DMXL2: variants seen among roughly 807,000 people sequenced by gnomAD.
DMXL2 encodes the protein dmX-like protein 2.
In DMXL2, 103 loss-of-function variants were observed where a neutral mutation model predicts 331.1. The ratio of observed to expected loss-of-function variants is 0.31; its 90% confidence interval spans 0.27 to 0.37. The LOEUF (loss-of-function observed/expected upper bound fraction) is 0.37. Among genes scored for constraint, DMXL2 ranks in the 10% least tolerant of loss-of-function variants. DMXL2 has a pLI of 1.00. For synonymous variants in DMXL2, 1,281 were observed against 1,252.1 expected (o/e 1.02, Z -0.49); for missense variants, 3,171 against 3,642.9 (o/e 0.87, Z 3.33).
At chr15:51,455,453 C>T (rs765822430) in intron 39 of DMXL2, among the ~76,000 whole-genome samples, 7 of 152,104 alleles carry the variant, frequency 4.6e-5, no homozygotes, top group Non-Finnish European at 7.4e-5. Flanking sequence ...GGCTGGAGTG[C>T]AGTAGTGCAA....
intron 33 of DMXL2, chr15:51,460,575 TAA>T: frequency 6.3e-6 from 1 of 159,526 alleles, no homozygotes; most frequent in East Asian, 1.9e-4. Flanking sequence ...TATAAATATA[TAA>T]CTTCAGCATT....
Position 51,507,145 on chromosome 15 carries a change from T to C in DMXL2, c.2753A>G (p.Gln918Arg). 6.2e-7 allele frequency: 1 copy of C among 1,604,632 alleles called. No homozygotes were observed. Among genetic ancestry groups the C allele is most frequent in the Non-Finnish European group, 8.5e-7 (1 of 1,174,458 alleles). Reference sequence around the variant, plus strand: ...CTATAATTACTTACCTAAACATGCTTGTACAGATTTAAGATGAAGGTGCCA... The same window carrying C: ...CTATAATTACTTACCTAAACATGCTCGTACAGATTTAAGATGAAGGTGCCA... ...HMWHLHLKSV[Q>R]ACLAKASEGA... Residue 918 changes from glutamine to arginine, a missense_variant, in exon 16 of 44, where the codon CAA becomes CGA. Physicochemically the swap from Gln to Arg is conservative, Grantham distance 43 (BLOSUM62 1). Transcript: ENST00000560891.
At chr15:51,513,784 G>T (rs1448822938) in intron 15 of DMXL2, among the ~76,000 whole-genome samples, 1 of 152,034 alleles carries the variant, frequency 6.6e-6, no homozygotes, top group African/African-American at 2.4e-5. Context: ...GAACATGTTG[G>T]TTTTATAATT....
intron 13 of DMXL2, 151 bp downstream of exon 13, chr15:51,535,512 G>A: frequency 3.4e-6 from 2 of 587,436 alleles, no homozygotes; most frequent in Non-Finnish European, 5.3e-6. Context: ...CACAGCTTAG[G>A]AAAAAATAAA....
At chr15:51,515,686 T>A (rs2046996093) in intron 14 of DMXL2, among the ~76,000 whole-genome samples, 1 of 152,126 alleles carries the variant, frequency 6.6e-6, no homozygotes, top group South Asian at 2.1e-4. Context: ...CCAGCCCCTG[T>A]GTTAAAAATA....
intron 18 of DMXL2, among the ~76,000 whole-genome samples, chr15:51,498,252 A>G (rs1423897010): frequency 6.6e-6 from 1 of 152,076 alleles, no homozygotes; most frequent in Non-Finnish European, 1.5e-5. Context: ...AAAAACAAAC[A>G]AAAAACCCAC....
chr15:51,486,030 T>A (rs2042371009), intron 23 of DMXL2, 43 bp downstream of exon 23: 2 of 1,521,900 alleles, frequency 1.3e-6, no homozygotes, highest in Non-Finnish European at 1.8e-6. Context: ...AAAGTATCTC[T>A]TCCTTTAAAA....
intron 8 of DMXL2, 31 bp from the exon 9 acceptor site, chr15:51,542,538 C>T: frequency 1.3e-6 from 2 of 1,537,678 alleles, no homozygotes; most frequent in Non-Finnish European, 1.8e-6. Flanking sequence ...CTGAGTCCAA[C>T]TCTGGAACCT....
intron 9 of DMXL2, 103 bp from the exon 10 acceptor site, chr15:51,538,555 G>T: frequency 1.2e-6 from 1 of 868,340 alleles, no homozygotes; most frequent in Non-Finnish European, 1.7e-6. Context: ...TGCTAAACAA[G>T]TCAACATAAT....
intron 1 of DMXL2, among the ~76,000 whole-genome samples, chr15:51,588,998 C>T (rs1450278108): frequency 6.6e-6 from 1 of 152,134 alleles, no homozygotes; most frequent in African/African-American, 2.4e-5. Flanking sequence ...GGTAAGCAGG[C>T]ACAGTATGTT....
intron 1 of DMXL2, among the ~76,000 whole-genome samples, chr15:51,604,224 A>G (rs1405954364): frequency 6.6e-6 from 1 of 151,470 alleles, no homozygotes; most frequent in Non-Finnish European, 1.5e-5. Flanking sequence ...AATAACTTTC[A>G]GCAAACAAGG....
chr15:51,611,868 G>A (rs2053993094), intron 1 of DMXL2, among the ~76,000 whole-genome samples: 1 of 152,176 alleles, frequency 6.6e-6, no homozygotes. Context: ...GACTGAAAAA[G>A]GGGCATTCTG....
rs746617326 is a variant in DMXL2 at position 51,458,697 on chromosome 15, G to A, written c.8076+12C>T. On this transcript the variant is annotated intron_variant, in intron 35 of 43. Transcript: ENST00000560891. The stretch of plus-strand genomic sequence containing the variant: ...GGAGAAATACACTGTGTATAATGAT[G>A]AGAGCTTTTACCTTATTAACAGAAA... 1 of 1,613,888 alleles carries A rather than the reference G, an allele frequency of 6.2e-7. No homozygotes were observed. Among genetic ancestry groups the A allele is most frequent in the African/African-American group, 1.3e-5 (1 of 75,040 alleles).
chr15:51,474,956 GA>G (rs2041443557), intron 27 of DMXL2, among the ~76,000 whole-genome samples: 1 of 151,968 alleles, frequency 6.6e-6, no homozygotes, highest in South Asian at 2.1e-4. Context: ...ATTAGCAAGT[GA>G]AAGTATAATA....
rs74013300 is a variant in DMXL2, at chr15:51,552,782, A to C, written c.568-5374T>G. On this transcript the variant is annotated intron_variant, in intron 6 of 43. Transcript: ENST00000560891. Reference sequence around the variant, plus strand: ...TCCCTAGTTAATTTCATCCAGACCCATAACTTTAAACACCGCCTTTGGCTA... The same window carrying C: ...TCCCTAGTTAATTTCATCCAGACCCCTAACTTTAAACACCGCCTTTGGCTA... Among the ~76,000 whole-genome samples, 1,108 of 152,268 alleles carry C rather than the reference A, an allele frequency of 7.3e-3. 18 individuals carry two copies. The highest frequency in any genetic ancestry group is 0.026 in the African/African-American group (1,065 of 41,566).
rs145791816 is a variant in DMXL2 at position 51,536,975 on chromosome 15, A to G, written c.1618-113T>C. The stretch of plus-strand genomic sequence containing the variant: ...TTCTTATCAAAAAATGTCATTTTCA[A>G]CCTCTTTATGGTCCAGTCCCCTTGC... On this transcript the variant is annotated intron_variant, in intron 11 of 43. Coordinates refer to ENST00000560891, the MANE Select transcript of DMXL2 (RefSeq NM_001378457.1). 4 of 903,382 alleles carry G rather than the reference A, an allele frequency of 4.4e-6. No individual in the cohort carries two copies. In the East Asian group the frequency reaches 1.0e-4, roughly 24 times the overall value. 56.0% of individuals were successfully genotyped at this position (903,382 alleles called of 1,614,324 possible). A position where few individuals can be genotyped will look rare whatever the true frequency, so the allele number is the denominator to read the frequency against.
chr15:51,506,554 C>T (rs1337033193), intron 16 of DMXL2, among the ~76,000 whole-genome samples: 2 of 150,342 alleles, frequency 1.3e-5, no homozygotes, highest in African/African-American at 4.9e-5. Flanking sequence ...CCCGGGTTCA[C>T]GCCATTCTCC....
intron 1 of DMXL2, among the ~76,000 whole-genome samples, chr15:51,578,963 A>G (rs901687729): frequency 6.6e-6 from 1 of 152,102 alleles, no homozygotes; most frequent in Non-Finnish European, 1.5e-5. Context: ...AAATTAGTTG[A>G]GCGTGGTGTC....
At chr15:51,517,582 A>G (rs1358939713) in intron 13 of DMXL2, among the ~76,000 whole-genome samples, 4 of 152,228 alleles carry the variant, frequency 2.6e-5, no homozygotes, top group African/African-American at 9.6e-5. Context: ...ATGTATGAAC[A>G]AACAAATGAA....
Sources: gnomAD v4.1 joint callset for allele counts (sites outside exome capture counted in the v4.1 genomes callset) on GRCh38, gnomAD v4.1.1 for gene constraint, MANE v1.5 for transcripts, NCBI Gene and HGNC (gene_info 2026-07-23, HGNC 2026-07-21) for gene names.